Variants in IGSF21 observed in about 807,000 individuals in gnomAD.
The protein encoded by IGSF21 is immunoglobulin superfamily member 21.
Under a neutral mutation model 46.8 loss-of-function variants are expected in IGSF21, and 28 were observed. That is an observed-to-expected ratio of 0.60 (90% CI 0.44 to 0.82). IGSF21 has a LOEUF of 0.82. Among genes scored for constraint, IGSF21 ranks in the 40% least tolerant of loss-of-function variants. The pLI, the probability that IGSF21 is intolerant of heterozygous loss-of-function variation, is 0.00. For missense variants in IGSF21, 624 were observed against 665.5 expected (o/e 0.94, Z 0.69); for synonymous variants, 284 against 273.6 (o/e 1.04, Z -0.38).
intron 2 of IGSF21, among the ~76,000 whole-genome samples, chr1:18,273,339 C>CCTTT (rs2085062630): frequency 2.2e-5 from 1 of 45,810 alleles, no homozygotes; most frequent in Admixed American, 2.5e-4. Flanking sequence ...CCATTCCTTT[C>CCTTT]CTTTCCTTTC....
Position 18,374,242 on chromosome 1 carries a change from T to A in IGSF21, c.1016-2068T>A, listed in dbSNP as rs1231111183. ...TTCATTTTAAAACCCAGAAACTTAC[T>A]TGGGCTCCCTGAGCCTTCATTTCCT... On this transcript the variant is annotated intron_variant, in intron 6 of 9. Transcript: ENST00000251296. 2.0e-5 allele frequency among the ~76,000 whole-genome samples: 3 copies of A among 152,208 alleles called. No individual in the cohort carries two copies. In the South Asian group the frequency reaches 6.2e-4, roughly 32 times the overall value.
intron 1 of IGSF21, among the ~76,000 whole-genome samples, chr1:18,201,912 C>A (rs1187871914): frequency 1.3e-5 from 2 of 152,184 alleles, no homozygotes; most frequent in African/African-American, 2.4e-5. Context: ...TTAAACCCAT[C>A]TGAAAATAAG....
intron 1 of IGSF21, among the ~76,000 whole-genome samples, chr1:18,178,201 C>T (rs2086822121): frequency 6.6e-6 from 1 of 152,166 alleles, no homozygotes; most frequent in Non-Finnish European, 1.5e-5. Flanking sequence ...TGACCTGCCG[C>T]AGGCCAGCCC....
intron 2 of IGSF21, among the ~76,000 whole-genome samples, chr1:18,231,806 G>A (rs1238476965): frequency 1.3e-5 from 2 of 152,102 alleles, no homozygotes; most frequent in Non-Finnish European, 2.9e-5. Flanking sequence ...AATACACTGT[G>A]CTCACCTGAC....
chr1:18,268,817 G>T (rs79587117), intron 2 of IGSF21, among the ~76,000 whole-genome samples: 3 of 152,154 alleles, frequency 2.0e-5, no homozygotes, highest in African/African-American at 7.2e-5. Context: ...AGGCTTATCC[G>T]GATGGAAGGC....
intron 2 of IGSF21, among the ~76,000 whole-genome samples, chr1:18,284,145 C>T (rs1341342906): frequency 2.0e-5 from 3 of 152,182 alleles, no homozygotes; most frequent in African/African-American, 4.8e-5. Context: ...AATAGACAAA[C>T]TCACAAAGGC....
At chr1:18,367,588 A>T (rs12128084) in intron 6 of IGSF21, among the ~76,000 whole-genome samples, 75,402 of 138,880 alleles carry the variant, frequency 0.54, 21,071 homozygotes, top group Non-Finnish European at 0.63. Context: ...GACCTTTGAT[A>T]TTCTCTCTCT....
At chr1:18,278,609 A>G (rs1173195754) in intron 2 of IGSF21, among the ~76,000 whole-genome samples, 1 of 151,534 alleles carries the variant, frequency 6.6e-6, no homozygotes, top group Non-Finnish European at 1.5e-5. Context: ...GCTGGAGTAC[A>G]GTGGCGAGAT....
chr1:18,177,350 G>T (rs1165460540), intron 1 of IGSF21, among the ~76,000 whole-genome samples: 1 of 151,972 alleles, frequency 6.6e-6, no homozygotes, highest in African/African-American at 2.4e-5. Context: ...CCCAGAGATG[G>T]CTGAGAAGGA....
At chr1:18,352,062 A>G (rs940339485) in intron 4 of IGSF21, among the ~76,000 whole-genome samples, 1 of 152,142 alleles carries the variant, frequency 6.6e-6, no homozygotes, top group Non-Finnish European at 1.5e-5. Context: ...GGTTGTGGGG[A>G]GTGGAGCTTT....
intron 1 of IGSF21, among the ~76,000 whole-genome samples, chr1:18,143,552 A>G (rs1017753982): frequency 6.6e-6 from 1 of 152,052 alleles, no homozygotes; most frequent in African/African-American, 2.4e-5. Context: ...AGCTCCCCAC[A>G]CCACAGACGC....
At chr1:18,244,052 G>A (rs1474189484) in intron 2 of IGSF21, among the ~76,000 whole-genome samples, 1 of 152,194 alleles carries the variant, frequency 6.6e-6, no homozygotes, top group Non-Finnish European at 1.5e-5. Context: ...GTTATCTGAG[G>A]GTGACTGTTA....
At chr1:18,150,751 C>A (rs1211873259) in intron 1 of IGSF21, among the ~76,000 whole-genome samples, 1 of 152,206 alleles carries the variant, frequency 6.6e-6, no homozygotes, top group Non-Finnish European at 1.5e-5. Flanking sequence ...CCAATGCCAT[C>A]AAGATACCCC....
chr1:18,286,074 G>A (rs1318397564), intron 2 of IGSF21, among the ~76,000 whole-genome samples: 1 of 152,168 alleles, frequency 6.6e-6, no homozygotes, highest in Non-Finnish European at 1.5e-5. Flanking sequence ...CTGAGTGGCA[G>A]AGCTGGGATC....
intron 2 of IGSF21, among the ~76,000 whole-genome samples, chr1:18,266,499 G>A (rs964619122): frequency 1.3e-5 from 2 of 152,222 alleles, no homozygotes; most frequent in African/African-American, 4.8e-5. Context: ...ACCTTTGACT[G>A]ACCCAGGCTG....
chr1:18,156,261 AG>A (rs1272225574), intron 1 of IGSF21, among the ~76,000 whole-genome samples: 1 of 152,156 alleles, frequency 6.6e-6, no homozygotes, highest in Non-Finnish European at 1.5e-5. Flanking sequence ...TCATCAGGGA[AG>A]GAAGGAAACC....
At chr1:18,158,058 C>T (rs924373725) in intron 1 of IGSF21, among the ~76,000 whole-genome samples, 4 of 152,144 alleles carry the variant, frequency 2.6e-5, no homozygotes, top group Non-Finnish European at 5.9e-5. Context: ...GTCATATCTC[C>T]CCCATCAAAC....
chr1:18,276,458 G>T (rs1205373983), intron 2 of IGSF21, among the ~76,000 whole-genome samples: 3 of 152,126 alleles, frequency 2.0e-5, no homozygotes, highest in Admixed American at 6.5e-5. Flanking sequence ...AGCCCCTAAG[G>T]CTTGGGCTTG....
chr1:18,275,398 A>C (rs4083982), intron 2 of IGSF21, among the ~76,000 whole-genome samples: 36,521 of 151,866 alleles, frequency 0.24, 4,772 homozygotes, highest in African/African-American at 0.35. Context: ...CGTCTCAGCA[A>C]TCCCGTCCCA....
Sources: gnomAD v4.1 joint callset for allele counts (sites outside exome capture counted in the v4.1 genomes callset) on GRCh38, gnomAD v4.1.1 for gene constraint, MANE v1.5 for transcripts, NCBI Gene and HGNC (gene_info 2026-07-23, HGNC 2026-07-21) for gene names.